ZNF345: variants seen among roughly 807,000 people sequenced by gnomAD.
ZNF345 encodes the protein zinc finger protein 345.
For synonymous variants in ZNF345, 166 were observed against 187.9 expected (o/e 0.88, Z 0.95); for missense variants, 527 against 589.9 (o/e 0.89, Z 1.10).
intron 2 of ZNF345, among the ~76,000 whole-genome samples, chr19:36,859,577 A>G (rs1243321950): frequency 6.6e-6 from 1 of 151,598 alleles, no homozygotes; most frequent in Non-Finnish European, 1.5e-5. Flanking sequence ...ATTTAATTCT[A>G]TCAATTACTT....
At position 36,879,358 on chromosome 19, in the gene ZNF345, A is replaced by T. The variant is rs868122986; in HGVS notation, c.*1061A>T. The T allele has an allele frequency of 7.2e-5, 12 of 167,238 alleles. No homozygotes were observed. The highest frequency in any genetic ancestry group is 2.6e-4 in the African/African-American group (11 of 41,588). 10.4% of individuals were successfully genotyped at this position (167,238 alleles called of 1,614,324 possible). A position where few individuals can be genotyped will look rare whatever the true frequency, so the allele number is the denominator to read the frequency against. On this transcript the variant is annotated 3_prime_UTR_variant, in exon 3 of 3. Transcript: ENST00000420450. ...GATATGGTTACCTGTAATCTTACCAATCATAGATAATCACTGTCAAACTTT... is the reference window on the plus strand; with the variant it reads ...GATATGGTTACCTGTAATCTTACCATTCATAGATAATCACTGTCAAACTTT...
At chr19:36,869,933 C>T (rs192036843) in intron 2 of ZNF345, among the ~76,000 whole-genome samples, 1 of 152,104 alleles carries the variant, frequency 6.6e-6, no homozygotes. Flanking sequence ...GGTGTGCCAC[C>T]ATGCCTGACT....
At chr19:36,857,778 T>G (rs780075697) in intron 2 of ZNF345, among the ~76,000 whole-genome samples, 1 of 152,122 alleles carries the variant, frequency 6.6e-6, no homozygotes, top group Non-Finnish European at 1.5e-5. Flanking sequence ...AAGCTATTCT[T>G]TTTTTGTTTG....
At chr19:36,871,620 CTAT>C (rs1188322267) in intron 2 of ZNF345, among the ~76,000 whole-genome samples, 1 of 151,810 alleles carries the variant, frequency 6.6e-6, no homozygotes, top group Non-Finnish European at 1.5e-5. Context: ...TATTTAGCTG[CTAT>C]TGTGTTTGTT....
At chr19:36,869,687 G>A (rs2072734798) in intron 2 of ZNF345, among the ~76,000 whole-genome samples, 1 of 151,938 alleles carries the variant, frequency 6.6e-6, no homozygotes, top group South Asian at 2.1e-4. Context: ...ATTACACAGG[G>A]CATAAACAAG....
chr19:36,854,699 C>T (rs1011693621), intron 2 of ZNF345: 1 of 151,966 alleles, frequency 6.6e-6, no homozygotes, highest in Non-Finnish European at 1.5e-5. Context: ...TTCTCAAATA[C>T]GTTTTTGGAA....
intron 2 of ZNF345, among the ~76,000 whole-genome samples, chr19:36,856,322 G>A (rs2072418045): frequency 6.6e-6 from 1 of 151,924 alleles, no homozygotes; most frequent in Non-Finnish European, 1.5e-5. Flanking sequence ...TTGATTTGGG[G>A]ATCTAAATTC....
At chr19:36,887,805 C>T (rs910654576) in intron 3 of ZNF345, among the ~76,000 whole-genome samples, 3 of 152,152 alleles carry the variant, frequency 2.0e-5, no homozygotes, top group Admixed American at 6.5e-5. Flanking sequence ...TATTGGGTCT[C>T]CTGAACTCTA....
At chr19:36,856,595 C>T (rs1381346445) in intron 2 of ZNF345, among the ~76,000 whole-genome samples, 2 of 152,112 alleles carry the variant, frequency 1.3e-5, no homozygotes, top group Non-Finnish European at 2.9e-5. Flanking sequence ...GTGGCTCATG[C>T]CTGTAATACT....
At chr19:36,854,064 G>T (rs1012904177) in intron 2 of ZNF345, among the ~76,000 whole-genome samples, 3 of 152,120 alleles carry the variant, frequency 2.0e-5, no homozygotes, top group African/African-American at 7.2e-5. Flanking sequence ...CCTCTCAGTG[G>T]ATGTAGGTCT....
rs551996740 is a variant in ZNF345, at chr19:36,873,010, C to T, written c.-46-3775C>T. 4.6e-5 allele frequency among the ~76,000 whole-genome samples: 7 copies of T among 152,246 alleles called. No homozygotes were observed. In the South Asian group the frequency reaches 6.2e-4, roughly 14 times the overall value. ...CTAAAAATGATTTCTTCTCAGTAGA[C>T]GTTGGACTTTGTTGCTTGATCTCCC... On this transcript the variant is annotated intron_variant, in intron 2 of 2. Coordinates refer to ENST00000420450, the MANE Select transcript of ZNF345 (RefSeq NM_001242472.2).
At chr19:36,869,940 G>C (rs1568356470) in intron 2 of ZNF345, among the ~76,000 whole-genome samples, 1 of 151,940 alleles carries the variant, frequency 6.6e-6, no homozygotes, top group Non-Finnish European at 1.5e-5. Context: ...CACCATGCCT[G>C]ACTAACTGTT....
At chr19:36,885,983 T>C (rs963800241) in intron 3 of ZNF345, among the ~76,000 whole-genome samples, 1 of 152,210 alleles carries the variant, frequency 6.6e-6, no homozygotes, top group Non-Finnish European at 1.5e-5. Context: ...ATAACCTAAT[T>C]TGTCTGTTTG....
chr19:36,852,731 A>G (rs1276210013), intron 2 of ZNF345, among the ~76,000 whole-genome samples: 2 of 152,192 alleles, frequency 1.3e-5, no homozygotes, highest in East Asian at 3.8e-4. Context: ...TCTTAGCTCC[A>G]CATCCATGCT....
At chr19:36,884,536 C>A (rs1325877093), downstream of ZNF345, among the ~76,000 whole-genome samples, 1 of 152,194 alleles carries the variant, frequency 6.6e-6, no homozygotes, top group South Asian at 2.1e-4. Context: ...GTGTTGCAAT[C>A]CAGGGAAGCT....
intron 2 of ZNF345, among the ~76,000 whole-genome samples, chr19:36,871,854 G>T (rs920081390): frequency 6.6e-6 from 1 of 152,016 alleles, no homozygotes; most frequent in Non-Finnish European, 1.5e-5. Flanking sequence ...CACAACCTCC[G>T]CCTCCTGGGT....
intron 3 of ZNF345, chr19:36,892,472 C>A: frequency 6.4e-7 from 1 of 1,560,048 alleles, no homozygotes; most frequent in Non-Finnish European, 8.6e-7. Flanking sequence ...GATTCCAGAT[C>A]TGAAAGAAAA....
intron 2 of ZNF345, chr19:36,872,731 C>T (rs1423916964): frequency 1.3e-5 from 2 of 152,164 alleles, no homozygotes; most frequent in Non-Finnish European, 2.9e-5. Context: ...TCAAGTTTTA[C>T]CACTTAAGAT....
At chr19:36,864,007 C>A (rs1278734824) in intron 2 of ZNF345, among the ~76,000 whole-genome samples, 2 of 152,200 alleles carry the variant, frequency 1.3e-5, no homozygotes, top group Non-Finnish European at 2.9e-5. Context: ...AAAGGCATGA[C>A]CAAACTAATC....
Sources: gnomAD v4.1 joint callset for allele counts (sites outside exome capture counted in the v4.1 genomes callset) on GRCh38, gnomAD v4.1.1 for gene constraint, MANE v1.5 for transcripts, NCBI Gene and HGNC (gene_info 2026-07-23, HGNC 2026-07-21) for gene names.